TOGARAM2: variants seen among roughly 807,000 people sequenced by gnomAD.
TOGARAM2 encodes TOG array regulator of axonemal microtubules 2.
TOGARAM2 carries 85 observed loss-of-function variants against 93.3 expected under a neutral mutation model. The observed-to-expected ratio is 0.91, with a 90% CI of 0.76 to 1.09. The LOEUF is 1.09. TOGARAM2 is among the 50% of genes least tolerant of loss of function. The probability of loss-of-function intolerance (pLI) is 0.00; values close to 1 mark genes in which losing one functional copy is unlikely to be tolerated. For missense variants in TOGARAM2, 1,277 were observed against 1,334.5 expected (o/e 0.96, Z 0.67); for synonymous variants, 593 against 552.8 (o/e 1.07, Z -1.02).
At chr2:29,017,992 C>G (rs757497095) in intron 10 of TOGARAM2, 36 bp downstream of exon 10, 1 of 1,539,548 alleles carries the variant, frequency 6.5e-7, no homozygotes, top group Non-Finnish European at 8.8e-7. Flanking sequence ...ACGTGTCCCT[C>G]TGCCCATGCT....
chr2:29,032,152 A>G (rs1471939793), intron 14 of TOGARAM2, among the ~76,000 whole-genome samples: 1 of 152,216 alleles, frequency 6.6e-6, no homozygotes, highest in Non-Finnish European at 1.5e-5. Flanking sequence ...AAATTGAATC[A>G]TTCTTCAGCT....
At chr2:28,962,481 T>C (rs1458203884) in intron 1 of TOGARAM2, among the ~76,000 whole-genome samples, 2 of 152,082 alleles carry the variant, frequency 1.3e-5, no homozygotes, top group South Asian at 4.2e-4. Context: ...GCCTACATAT[T>C]TACTCGTGAT....
At chr2:29,002,064 T>C (rs928246640) in intron 4 of TOGARAM2, among the ~76,000 whole-genome samples, 1 of 152,090 alleles carries the variant, frequency 6.6e-6, no homozygotes, top group African/African-American at 2.4e-5. Context: ...TAGACTATGT[T>C]AGCTGTGTCA....
At chr2:28,959,760 G>C (rs975201971) in intron 1 of TOGARAM2, among the ~76,000 whole-genome samples, 2 of 152,118 alleles carry the variant, frequency 1.3e-5, no homozygotes, top group African/African-American at 4.8e-5. Context: ...AGAAAAAAAA[G>C]AATAGTATGA....
chr2:29,002,226 T>C (rs1485559434), intron 4 of TOGARAM2, among the ~76,000 whole-genome samples: 1 of 152,178 alleles, frequency 6.6e-6, no homozygotes, highest in Non-Finnish European at 1.5e-5. Flanking sequence ...CGAGGTCACA[T>C]AGCTTCTACC....
chr2:29,022,591 T>G (rs893393315), intron 11 of TOGARAM2, among the ~76,000 whole-genome samples: 1 of 152,214 alleles, frequency 6.6e-6, no homozygotes, highest in Non-Finnish European at 1.5e-5. Context: ...ATGGCAAGGA[T>G]GCATTTGATT....
intron 1 of TOGARAM2, among the ~76,000 whole-genome samples, chr2:28,989,102 T>C (rs1558404799): frequency 6.6e-6 from 1 of 152,194 alleles, no homozygotes; most frequent in Non-Finnish European, 1.5e-5. Context: ...CAGGCTGGAG[T>C]GCAGTGGTGT....
intron 13 of TOGARAM2, 58 bp from the exon 14 acceptor site, chr2:29,026,795 C>T: frequency 6.9e-7 from 1 of 1,445,900 alleles, no homozygotes; most frequent in Non-Finnish European, 9.2e-7. Context: ...GTTTGCCAGC[C>T]TGGGGACTCC....
At chr2:29,008,917 A>G (rs1199287452) in intron 6 of TOGARAM2, among the ~76,000 whole-genome samples, 3 of 152,212 alleles carry the variant, frequency 2.0e-5, no homozygotes, top group Non-Finnish European at 4.4e-5. Flanking sequence ...GGTTTGTGAC[A>G]TGGATTTCCC....
In TOGARAM2 at chr2:29,026,865, C is replaced by T; in HGVS notation, c.1866C>T (p.Pro622=). Residue 622 remains proline, a synonymous_variant, in exon 14 of 20, where the codon CCC becomes CCT. Transcript: ENST00000379558. ...GATTTCCTTTCAGCCACCGGAACCC[C>T]TTGATCCGGAAATACGCGGCTGAGC... ...LTSAGVYHRN[P]LIRKYAAEHL... The T allele has an allele frequency of 1.3e-6, 2 of 1,592,388 alleles. No individual in the cohort carries two copies. Among genetic ancestry groups the T allele is most frequent in the Non-Finnish European group, 8.6e-7 (1 of 1,168,466 alleles).
intron 1 of TOGARAM2, among the ~76,000 whole-genome samples, chr2:28,960,948 A>G (rs944764151): frequency 8.5e-5 from 13 of 152,220 alleles, no homozygotes; most frequent in Admixed American, 7.2e-4. Context: ...CAAGACATCA[A>G]AGGTGATGCT....
intron 13 of TOGARAM2, among the ~76,000 whole-genome samples, chr2:29,026,443 G>T (rs1319609523): frequency 6.6e-6 from 1 of 152,184 alleles, no homozygotes; most frequent in Non-Finnish European, 1.5e-5. Context: ...GCTACCTTGG[G>T]CAGTGGGTGG....
chr2:28,964,856 ATG>A, intron 1 of TOGARAM2, among the ~76,000 whole-genome samples: 1 of 152,286 alleles, frequency 6.6e-6, no homozygotes, highest in African/African-American at 2.4e-5. Flanking sequence ...TCCATGGTGT[ATG>A]TGTACCACCT....
Position 28,966,442 on chromosome 2 carries a change from C to T in TOGARAM2, c.-147+9745C>T, listed in dbSNP as rs140188341. Among the ~76,000 whole-genome samples the T allele has an allele frequency of 7.9e-3, 1,196 of 151,812 alleles. 15 individuals carry two copies. The highest frequency in any genetic ancestry group is 0.026 in the African/African-American group (1,058 of 41,340). Reference sequence around the variant, plus strand: ...CCTCCTGAGTAGCTGGGACTACAGGCGCACACCACCATGGCCAGCTAATTT... The same window carrying T: ...CCTCCTGAGTAGCTGGGACTACAGGTGCACACCACCATGGCCAGCTAATTT... On this transcript the variant is annotated intron_variant, in intron 1 of 6. Coordinates refer to the TOGARAM2 transcript ENST00000401723.
chr2:28,972,248 G>A (rs546959925), intron 1 of TOGARAM2, among the ~76,000 whole-genome samples: 1 of 152,158 alleles, frequency 6.6e-6, no homozygotes, highest in South Asian at 2.1e-4. Flanking sequence ...GCCAGCACGC[G>A]TGGCTAATTT....
chr2:29,032,770 T>C (rs1322375895), intron 14 of TOGARAM2, 164 bp from the exon 15 acceptor site: 6 of 585,224 alleles, frequency 1.0e-5, no homozygotes, highest in East Asian at 5.7e-5. Context: ...TTATAGATGA[T>C]GTTTATTTTA....
At chr2:29,016,229 G>A (rs1456014039) in intron 8 of TOGARAM2, among the ~76,000 whole-genome samples, 5 of 152,080 alleles carry the variant, frequency 3.3e-5, no homozygotes, top group Admixed American at 2.0e-4. Context: ...TCAGCGAAGA[G>A]AGTGAGCTGC....
At chr2:29,030,572 C>A (rs13018322) in intron 14 of TOGARAM2, among the ~76,000 whole-genome samples, 5,197 of 152,252 alleles carry the variant, frequency 0.034, 126 homozygotes, top group Non-Finnish European at 0.051. Flanking sequence ...CCTCTCCATT[C>A]TGACCCATCC....
At position 29,029,624 on chromosome 2, in the gene TOGARAM2, C is replaced by T. The variant is rs577315249; in HGVS notation, c.2012+2613C>T. ...ACAAAAAATTAGCCAGGTGTGGTGG[C>T]GGGTGCCTGTAGTCCCAGCTACTCA... is the stretch of plus-strand genomic sequence containing the variant. On this transcript the variant is annotated intron_variant, in intron 14 of 19. Transcript: ENST00000379558. Among the ~76,000 whole-genome samples, 120 of 149,564 alleles carry T rather than the reference C, an allele frequency of 8.0e-4. 2 individuals carry two copies. The highest frequency in any genetic ancestry group is 3.1e-3 in the South Asian group (14 of 4,526).
Sources: gnomAD v4.1 joint callset for allele counts (sites outside exome capture counted in the v4.1 genomes callset) on GRCh38, gnomAD v4.1.1 for gene constraint, MANE v1.5 for transcripts, NCBI Gene and HGNC (gene_info 2026-07-23, HGNC 2026-07-21) for gene names.